Variants in NEMP2 observed in about 807,000 individuals in gnomAD.
The protein encoded by NEMP2 is nuclear envelope integral membrane protein 2, also known as UPF0571 transmembrane protein.
NEMP2 carries 53 observed loss-of-function variants against 54.2 expected under a neutral mutation model. The observed-to-expected ratio is 0.98, with a 90% confidence interval of 0.78 to 1.23. The LOEUF (loss-of-function observed/expected upper bound fraction) is 1.23. NEMP2 is among the 50% of genes most tolerant of loss of function. NEMP2 has a pLI of 0.00. For synonymous variants in NEMP2, 197 were observed against 190.3 expected, an observed-to-expected ratio of 1.04 and a Z score of -0.29; for missense variants, 455 against 511.3, an observed-to-expected ratio of 0.89 and a Z score of 1.06.
At chr2:190,568,842 C>T in the NEMP2 span, among the ~76,000 whole-genome samples, 7 of 151,816 alleles carry the variant, frequency 4.6e-5, no homozygotes, top group East Asian at 1.4e-3. The surrounding 1 kb of genome is among the most constrained non-coding windows in gnomAD (Gnocchi z 4.7). Flanking sequence ...CAAAACAAAA[C>T]AACAAAAAAC....
rs2125308249 is a variant in NEMP2 at position 190,512,217 on chromosome 2, A to G, written c.954-1680T>C. ...AACTTGGGGAATTCCTTAACAGTTCAGAGCCTCACTTTGCTCATATGAAAA... is the reference window on the plus strand; with the variant it reads ...AACTTGGGGAATTCCTTAACAGTTCGGAGCCTCACTTTGCTCATATGAAAA... On this transcript the variant is annotated intron_variant, in intron 7 of 8. Coordinates refer to ENST00000409150, the MANE Select transcript of NEMP2 (RefSeq NM_001142645.2). This position sits in a 1 kb window ranked among gnomAD's most constrained non-coding sequence, Gnocchi z 4.5. 6.6e-6 allele frequency among the ~76,000 whole-genome samples: 1 copy of G among 152,272 alleles called. No individual in the cohort carries two copies. The highest frequency in any genetic ancestry group is 6.5e-5 in the Admixed American group (1 of 15,298).
the NEMP2 span, among the ~76,000 whole-genome samples, chr2:190,467,479 G>A: frequency 2.6e-5 from 4 of 152,192 alleles, no homozygotes; most frequent in African/African-American, 9.7e-5. This position sits in a 1 kb window ranked among gnomAD's most constrained non-coding sequence, Gnocchi z 5.5. Context: ...CAGGCATGGT[G>A]GCACATTCCT....
At chr2:190,591,349 G>A in the NEMP2 span, among the ~76,000 whole-genome samples, 1 of 152,156 alleles carries the variant, frequency 6.6e-6, no homozygotes, top group Non-Finnish European at 1.5e-5. The surrounding 1 kb of genome is among the most constrained non-coding windows in gnomAD (Gnocchi z 5.4). Context: ...TGATAGCTAT[G>A]AATATGTTCA....
chr2:190,438,385 A>G, the NEMP2 span, among the ~76,000 whole-genome samples: 1 of 152,074 alleles, frequency 6.6e-6, no homozygotes, highest in Non-Finnish European at 1.5e-5. The surrounding 1 kb of genome is among the most constrained non-coding windows in gnomAD (Gnocchi z 5.2). Context: ...GCATGGTGGC[A>G]CGCACCCGTA....
At chr2:190,446,230 C>T in the NEMP2 span, among the ~76,000 whole-genome samples, 1 of 152,088 alleles carries the variant, frequency 6.6e-6, no homozygotes, top group Admixed American at 6.5e-5. Context: ...TTTTAATAAT[C>T]ATAGAATTAT....
chr2:190,572,948 G>A, the NEMP2 span, among the ~76,000 whole-genome samples: 2 of 148,414 alleles, frequency 1.3e-5, no homozygotes, highest in African/African-American at 5.0e-5. Flanking sequence ...AGGTCAAAGG[G>A]TGTGTAAACA....
the NEMP2 span, chr2:190,609,070 G>C: frequency 1.3e-5 from 2 of 152,094 alleles, no homozygotes; most frequent in Non-Finnish European, 2.9e-5. The surrounding 1 kb of genome is among the most constrained non-coding windows in gnomAD (Gnocchi z 4.7). Context: ...GCTATTTCTC[G>C]TGGCCCAATA....
upstream of NEMP2, among the ~76,000 whole-genome samples, chr2:190,537,626 A>T (rs1318563683): frequency 6.6e-6 from 1 of 152,136 alleles, no homozygotes; most frequent in East Asian, 1.9e-4. Context: ...TTGAGAGATG[A>T]TTTAGGGTAT....
chr2:190,608,628 G>A, the NEMP2 span: 1 of 152,136 alleles, frequency 6.6e-6, no homozygotes, highest in Non-Finnish European at 1.5e-5. The surrounding 1 kb of genome is among the most constrained non-coding windows in gnomAD (Gnocchi z 4.9). Flanking sequence ...CCCCTGAAAC[G>A]AGTGACACCA....
rs986891750 is a variant in NEMP2, at chr2:190,506,361, A to G, written c.*2828T>C. On this transcript the variant is annotated 3_prime_UTR_variant, in exon 9 of 9. Transcript: ENST00000409150. The surrounding 1 kb of genome is among the most constrained non-coding windows in gnomAD (Gnocchi z 6.3). ...TCAGTTGGACAAGAAAAGCTAATTT[A>G]TAAAATTGTACATCTCTCACTCTGG... 6.6e-6 allele frequency: 1 copy of G among 152,248 alleles called. No homozygotes were observed. Among genetic ancestry groups the G allele is most frequent in the Non-Finnish European group, 1.5e-5 (1 of 68,030 alleles). 9.4% of individuals were successfully genotyped at this position (152,248 alleles called of 1,614,324 possible).
At chr2:190,644,733 G>A in the NEMP2 span, among the ~76,000 whole-genome samples, 200 of 152,150 alleles carry the variant, frequency 1.3e-3, no homozygotes, top group African/African-American at 4.2e-3. The surrounding 1 kb of genome is among the most constrained non-coding windows in gnomAD (Gnocchi z 4.4). Context: ...AACAGACAGC[G>A]CGGTCTACTT....
the NEMP2 span, among the ~76,000 whole-genome samples, chr2:190,565,040 G>A: frequency 2.6e-5 from 4 of 152,134 alleles, no homozygotes; most frequent in South Asian, 2.1e-4. Flanking sequence ...GGTGAGGTAC[G>A]GAGTGCAAAG....
At chr2:190,549,620 A>G in the NEMP2 span, among the ~76,000 whole-genome samples, 1 of 152,096 alleles carries the variant, frequency 6.6e-6, no homozygotes, top group Non-Finnish European at 1.5e-5. Context: ...ATGAATAGCA[A>G]TTATTACTTT....
downstream of NEMP2, chr2:190,500,039 T>A: frequency 6.2e-7 from 1 of 1,614,140 alleles, no homozygotes; most frequent in South Asian, 1.1e-5. The surrounding 1 kb of genome is among the most constrained non-coding windows in gnomAD (Gnocchi z 5.3). Context: ...TAGGGAAAAT[T>A]CTCCTGCTGG....
chr2:190,493,298 T>C, the NEMP2 span, among the ~76,000 whole-genome samples: 5 of 152,282 alleles, frequency 3.3e-5, no homozygotes, highest in Admixed American at 1.3e-4. Context: ...TGACATTATA[T>C]AATGATAAAA....
chr2:190,594,763 C>T, the NEMP2 span, among the ~76,000 whole-genome samples: 1 of 152,114 alleles, frequency 6.6e-6, no homozygotes, highest in African/African-American at 2.4e-5. The surrounding 1 kb of genome is among the most constrained non-coding windows in gnomAD (Gnocchi z 5.6). Flanking sequence ...ATAGAGTTAG[C>T]TGCAAATCCC....
the NEMP2 span, among the ~76,000 whole-genome samples, chr2:190,431,587 C>T: frequency 1.3e-4 from 20 of 152,320 alleles, 1 homozygote; most frequent in African/African-American, 4.1e-4. This position sits in a 1 kb window ranked among gnomAD's most constrained non-coding sequence, Gnocchi z 4.4. Context: ...CGCCTGCAAT[C>T]GCAGGCACTT....
rs1483950912 is a variant in NEMP2, at chr2:190,505,386, T to C, written c.*3803A>G. The C allele has an allele frequency of 6.6e-6, 1 of 152,168 alleles. No individual in the cohort carries two copies. The highest frequency in any genetic ancestry group is 1.5e-5 in the Non-Finnish European group (1 of 68,036). The allele number at this position is 152,168 out of a possible 1,614,324, so 9.4% of individuals were successfully genotyped here. A position where few individuals can be genotyped will look rare whatever the true frequency, so the allele number is the denominator to read the frequency against. On this transcript the variant is annotated 3_prime_UTR_variant, in exon 9 of 9. Coordinates refer to ENST00000409150, the MANE Select transcript of NEMP2 (RefSeq NM_001142645.2). The surrounding 1 kb of genome is among the most constrained non-coding windows in gnomAD (Gnocchi z 5.8). Reference sequence around the variant, plus strand: ...CACAGAGTGGTCATGAGGTGCAAATTAAGAGGTATCGAAGGTGCCTCATAT... The same window carrying C: ...CACAGAGTGGTCATGAGGTGCAAATCAAGAGGTATCGAAGGTGCCTCATAT...
At chr2:190,452,709 C>T in the NEMP2 span, among the ~76,000 whole-genome samples, 26 of 152,162 alleles carry the variant, frequency 1.7e-4, no homozygotes, top group Admixed American at 1.7e-3. Flanking sequence ...TGGTTTCAAC[C>T]ACCCTCCTAT....
Sources: gnomAD v4.1 joint callset for allele counts (sites outside exome capture counted in the v4.1 genomes callset) on GRCh38, gnomAD v4.1.1 for gene constraint, Gnocchi (gnomAD v3.1) non-coding constraint, MANE v1.5 for transcripts, NCBI Gene and HGNC (gene_info 2026-07-23, HGNC 2026-07-21) for gene names.